UNC79: variants seen among roughly 807,000 people sequenced by gnomAD.
UNC79 encodes protein unc-79 homolog.
In UNC79, 37 loss-of-function variants were observed where a neutral mutation model predicts 283.1. The ratio of observed to expected loss-of-function variants is 0.13; its 90% CI spans 0.10 to 0.17. UNC79 has a LOEUF of 0.17. Among genes scored for constraint, UNC79 ranks in the 10% least tolerant of loss-of-function variants. UNC79 has a pLI of 1.00. For synonymous variants in UNC79, 1,107 were observed against 1,200.2 expected (o/e 0.92, Z 1.61); for missense variants, 2,272 against 3,211.1 (o/e 0.71, Z 7.07).
In UNC79 at chr14:93,357,706, T is replaced by TGG. The variant is rs1566889608; in HGVS notation, c.-351+24183_-351+24184insGG. Among the ~76,000 whole-genome samples, 23 of 124,664 alleles carry TGG rather than the reference T, an allele frequency of 1.8e-4. 1 individual carries two copies. Among genetic ancestry groups the TGG allele is most frequent in the African/African-American group, 7.6e-4 (22 of 28,810 alleles). The allele number at this position is 124,664 out of a possible 152,430, so 81.8% of individuals were successfully genotyped here. A position where few individuals can be genotyped will look rare whatever the true frequency, so the allele number is the denominator to read the frequency against. The stretch of plus-strand genomic sequence containing the variant: ...ATATATATATATATATATATATATA[T>TGG]ATATATATATATATGGATATATGGA... On this transcript the variant is annotated intron_variant, in intron 1 of 49. Transcript: ENST00000256339.
chr14:93,566,491 G>A (rs557538511), intron 14 of UNC79, among the ~76,000 whole-genome samples: 2 of 152,094 alleles, frequency 1.3e-5, no homozygotes, highest in East Asian at 1.9e-4. Flanking sequence ...CAGCATAGCC[G>A]GTTGTGATGG....
chr14:93,395,261 A>G (rs915126118), intron 1 of UNC79, among the ~76,000 whole-genome samples: 8 of 152,140 alleles, frequency 5.3e-5, no homozygotes, highest in Non-Finnish European at 1.2e-4. Flanking sequence ...CTTCATTTTT[A>G]AAGATAGTTG....
At chr14:93,539,584 G>A (rs1366249063) in intron 12 of UNC79, among the ~76,000 whole-genome samples, 1 of 152,032 alleles carries the variant, frequency 6.6e-6, no homozygotes, top group Non-Finnish European at 1.5e-5. Flanking sequence ...TAGAGGCCAA[G>A]TCTTTTCTGT....
intron 1 of UNC79, among the ~76,000 whole-genome samples, chr14:93,436,745 AT>A (rs1317504635): frequency 3.3e-5 from 5 of 152,232 alleles, no homozygotes; most frequent in African/African-American, 1.2e-4. Flanking sequence ...CAAAAAGTGC[AT>A]TAAGCAAAAA....
intron 7 of UNC79, among the ~76,000 whole-genome samples, chr14:93,499,518 A>G (rs1050102625): frequency 2.0e-5 from 3 of 152,240 alleles, no homozygotes; most frequent in African/African-American, 7.2e-5. Flanking sequence ...GGAACTTACT[A>G]CAATCTAGAC....
At chr14:93,638,547 C>A (rs769374597) in intron 32 of UNC79, among the ~76,000 whole-genome samples, 3 of 152,218 alleles carry the variant, frequency 2.0e-5, no homozygotes, top group Non-Finnish European at 2.9e-5. Flanking sequence ...CAAACACCTT[C>A]ATAATTTTTC....
At chr14:93,613,346 C>A (rs1345292882) in intron 27 of UNC79, among the ~76,000 whole-genome samples, 1 of 151,388 alleles carries the variant, frequency 6.6e-6, no homozygotes, top group African/African-American at 2.4e-5. Flanking sequence ...GAGAAAGATG[C>A]TAACCTTGTA....
chr14:93,636,655 C>T (rs2068532164), intron 31 of UNC79, among the ~76,000 whole-genome samples: 1 of 152,196 alleles, frequency 6.6e-6, no homozygotes, highest in Non-Finnish European at 1.5e-5. Context: ...CTTCTCCACC[C>T]ATGCATGGCG....
At chr14:93,486,646 CTCTG>C (rs549794382) in intron 4 of UNC79, among the ~76,000 whole-genome samples, 2,953 of 123,256 alleles carry the variant, frequency 0.024, 128 homozygotes, top group African/African-American at 0.092. Flanking sequence ...AAGAGTGAGA[CTCTG>C]TCTAAGGAAA....
At chr14:93,515,264 ATGTGTGTGTGTG>A (rs3060596) in intron 7 of UNC79, among the ~76,000 whole-genome samples, 1 of 149,658 alleles carries the variant, frequency 6.7e-6, no homozygotes, top group Non-Finnish European at 1.5e-5. Flanking sequence ...CCATATGTAT[ATGTGTGTGTGTG>A]TGTGTGTGTG....
chr14:93,450,714 G>A (rs996465430), intron 1 of UNC79, among the ~76,000 whole-genome samples: 2 of 152,120 alleles, frequency 1.3e-5, no homozygotes, highest in African/African-American at 2.4e-5. Context: ...AGTATGTAGA[G>A]TCTTTTCTTT....
At chr14:93,642,995 G>A (rs1010697411) in intron 33 of UNC79, among the ~76,000 whole-genome samples, 2 of 152,078 alleles carry the variant, frequency 1.3e-5, no homozygotes, top group African/African-American at 2.4e-5. Context: ...TATGACACTC[G>A]GCAGGCCTGG....
At chr14:93,410,639 G>A (rs2055316008) in intron 1 of UNC79, among the ~76,000 whole-genome samples, 1 of 152,158 alleles carries the variant, frequency 6.6e-6, no homozygotes, top group African/African-American at 2.4e-5. Flanking sequence ...CAGTAGAATA[G>A]GACAATGGTC....
upstream of UNC79, among the ~76,000 whole-genome samples, chr14:93,426,979 T>C (rs553357741): frequency 6.6e-6 from 1 of 152,302 alleles, no homozygotes; most frequent in East Asian, 1.9e-4. Flanking sequence ...TATTCTGTTA[T>C]TTTCCTCTGA....
chr14:93,544,722 C>G (rs1039208851), intron 14 of UNC79, among the ~76,000 whole-genome samples: 1 of 152,122 alleles, frequency 6.6e-6, no homozygotes, highest in South Asian at 2.1e-4. Context: ...AATGAGGAAC[C>G]AGAAAAGCAC....
exon 38 of UNC79, chr14:93,655,236 T>C: frequency 6.2e-7 from 1 of 1,613,796 alleles, no homozygotes; most frequent in Non-Finnish European, 8.5e-7. Context: ...GTTTTTAGGG[T>C]CTAAATAACA....
At position 93,399,860 on chromosome 14, in the gene UNC79, G is replaced by C. The variant is rs117912426; in HGVS notation, c.-351+66337G>C. The stretch of plus-strand genomic sequence containing the variant: ...TATACATGTGTGTGTATAGAAAACA[G>C]GATATTCATTAAGCAGCTATCCTTA... On this transcript the variant is annotated intron_variant, in intron 1 of 49. Transcript: ENST00000256339. 7.9e-5 allele frequency among the ~76,000 whole-genome samples: 12 copies of C among 152,224 alleles called. No homozygotes were observed. The East Asian group carries it at 2.3e-3, about 29-fold the overall frequency.
intron 47 of UNC79, among the ~76,000 whole-genome samples, chr14:93,703,997 A>G (rs1026882366): frequency 6.6e-6 from 1 of 152,202 alleles, no homozygotes; most frequent in African/African-American, 2.4e-5. Flanking sequence ...CAGGGCACCT[A>G]TGACCTCCTC....
At chr14:93,654,624 A>G (rs1246260769) in intron 37 of UNC79, among the ~76,000 whole-genome samples, 1 of 151,720 alleles carries the variant, frequency 6.6e-6, no homozygotes, top group Non-Finnish European at 1.5e-5. Context: ...CATAATTTAA[A>G]TTTTAAAAAG....
Sources: gnomAD v4.1 joint callset for allele counts (sites outside exome capture counted in the v4.1 genomes callset) on GRCh38, gnomAD v4.1.1 for gene constraint, MANE v1.5 for transcripts, NCBI Gene and HGNC (gene_info 2026-07-23, HGNC 2026-07-21) for gene names.